PLCH2: variants seen among roughly 807,000 people sequenced by gnomAD.
PLCH2 encodes the protein 1-phosphatidylinositol 4,5-bisphosphate phosphodiesterase eta-2.
Under a neutral mutation model 134.7 loss-of-function variants are expected in PLCH2, and 98 were observed. The ratio of observed to expected loss-of-function variants is 0.73; its 90% CI spans 0.62 to 0.86. PLCH2 has a LOEUF of 0.86. Ranked by LOEUF, PLCH2 falls within the 40% of genes least tolerant of loss-of-function variation. PLCH2 has a pLI of 0.00. For missense variants in PLCH2, 1,994 were observed against 1,986.6 expected (o/e 1.00, Z -0.07); for synonymous variants, 974 against 827.5 (o/e 1.18, Z -3.04).
chr1:2,436,563 TTTCCTCC>T (rs1416414213), intron 2 of PLCH2, among the ~76,000 whole-genome samples: 3 of 99,276 alleles, frequency 3.0e-5, no homozygotes, highest in African/African-American at 4.4e-5. Context: ...TCCCTCCACC[TTTCCTCC>T]TTCCTCCCTC....
chr1:2,432,938 C>T (rs1332132510), intron 2 of PLCH2, among the ~76,000 whole-genome samples: 2 of 152,200 alleles, frequency 1.3e-5, no homozygotes, highest in Admixed American at 1.3e-4. Context: ...CACACACGGG[C>T]TGGGTGGAAG....
intron 10 of PLCH2, 142 bp from the exon 11 acceptor site, chr1:2,491,050 T>TGGCTGCCTGC (rs1642548643): frequency 1.3e-6 from 1 of 765,420 alleles, no homozygotes; most frequent in Non-Finnish European, 2.1e-6. Flanking sequence ...GTCCTGCCTG[T>TGGCTGCCTGC]GGCTGCCTGC....
At chr1:2,440,287 A>G (rs1639627132) in intron 2 of PLCH2, among the ~76,000 whole-genome samples, 1 of 151,612 alleles carries the variant, frequency 6.6e-6, no homozygotes, top group African/African-American at 2.4e-5. Flanking sequence ...GCTGGGGAGG[A>G]TCTCGGGTGG....
chr1:2,423,742 G>A (rs1638637431), upstream of PLCH2, among the ~76,000 whole-genome samples: 2 of 152,030 alleles, frequency 1.3e-5, no homozygotes, highest in African/African-American at 4.8e-5. Context: ...GAGCATCTCA[G>A]ATGGAAATCA....
At chr1:2,474,021 G>C (rs1040397350), upstream of PLCH2, among the ~76,000 whole-genome samples, 2 of 152,228 alleles carry the variant, frequency 1.3e-5, no homozygotes, top group African/African-American at 2.4e-5. Flanking sequence ...CCACAGAGCA[G>C]AGCGTGGCTT....
chr1:2,444,995 G>A lies in PLCH2; in HGVS notation c.115+14366G>A, dbSNP rs528626793. 1.4e-3 allele frequency among the ~76,000 whole-genome samples: 207 copies of A among 152,246 alleles called. 1 individual carries two copies. Among genetic ancestry groups the A allele is most frequent in the Middle Eastern group, 3.4e-3 (1 of 294 alleles). Reference sequence around the variant, plus strand: ...GCCGGGGAGGGGCAAGTCAGAGGGCGGAGGCCACTGTCCTATCTCCTGCTT... The same window carrying A: ...GCCGGGGAGGGGCAAGTCAGAGGGCAGAGGCCACTGTCCTATCTCCTGCTT... On this transcript the variant is annotated intron_variant, in intron 2 of 3. Transcript: ENST00000609981. The surrounding 1 kb of genome is among the most constrained non-coding windows in gnomAD (Gnocchi z 4.6).
At chr1:2,464,719 T>C (rs1640975916), upstream of PLCH2, among the ~76,000 whole-genome samples, 1 of 152,196 alleles carries the variant, frequency 6.6e-6, no homozygotes, top group East Asian at 1.9e-4. Context: ...CCCTGTGAGA[T>C]GCTGGGTGGT....
chr1:2,490,328 C>T (rs1296457687), intron 10 of PLCH2, among the ~76,000 whole-genome samples: 1 of 152,196 alleles, frequency 6.6e-6, no homozygotes, highest in Non-Finnish European at 1.5e-5. Context: ...CCAGTGCTGG[C>T]CTCATCTCCA....
chr1:2,503,113 G>A (rs1177747506), intron 21 of PLCH2: 10 of 685,068 alleles, frequency 1.5e-5, no homozygotes, highest in African/African-American at 3.5e-5. Context: ...TGAGCTTGAG[G>A]CCCTGGGACT....
Position 2,496,783 on chromosome 1 carries a change from G to A in PLCH2, c.1934-45G>A, listed in dbSNP as rs376034437. 4.3e-5 allele frequency: 69 copies of A among 1,610,622 alleles called. No homozygotes were observed. The Middle Eastern group carries it at 4.9e-4, about 12-fold the overall frequency. ...CCTGCTATGCTGCTGGGCGCCGGGC[G>A]AGGTCGAGGACTGGCAGTCTGATGC... On this transcript the variant is annotated intron_variant, in intron 14 of 21. Transcript: ENST00000378486.
rs1383668173 is a variant in PLCH2, at chr1:2,479,748, A to G, written c.286A>G (p.Ile96Val). Residue 96 changes from isoleucine (I) to valine (V), a missense_variant, in exon 3 of 22, where the codon ATC becomes GTC. Transcript: ENST00000378486. ...NEKAKISIDS[I>V]QEVSEGRQSE... ...CCACCCCGCAGTCTCCATCGACTCC[A>G]TCCAGGAGGTGAGTGAGGGGCGGCA... 8.4e-6 allele frequency: 13 copies of G among 1,545,878 alleles called. No individual in the cohort carries two copies. Among genetic ancestry groups the G allele is most frequent in the Admixed American group, 3.9e-5 (2 of 51,122 alleles).
chr1:2,479,723 C>T lies in PLCH2; in HGVS notation c.272-11C>T, dbSNP rs772493855. On this transcript the variant is annotated splice_polypyrimidine_tract_variant and intron_variant, in intron 2 of 21. Coordinates refer to ENST00000378486, the MANE Select transcript of PLCH2 (RefSeq NM_014638.4). ...CGGGGACCTGACCCGTGCTCCCTCC[C>T]CACCCCGCAGTCTCCATCGACTCCA... The T allele has an allele frequency of 1.3e-5, 20 of 1,528,786 alleles. No individual in the cohort carries two copies. In the African/African-American group the frequency reaches 1.9e-4, roughly 15 times the overall value. The allele number at this position is 1,528,786 out of a possible 1,614,324, so 94.7% of individuals were successfully genotyped here. A position where few individuals can be genotyped will look rare whatever the true frequency, so the allele number is the denominator to read the frequency against.
upstream of PLCH2, among the ~76,000 whole-genome samples, chr1:2,464,705 C>T (rs919682708): frequency 3.0e-4 from 45 of 152,250 alleles, no homozygotes; most frequent in African/African-American, 1.1e-3. Context: ...CCTCCCACCC[C>T]TACCCCTGTG....
At position 2,489,806 on chromosome 1, in the gene PLCH2, AG is replaced by A; in HGVS notation, c.1456del (p.Val486CysfsTer28). On this transcript the variant is annotated frameshift_variant, in exon 10 of 22. Coordinates refer to ENST00000378486, the MANE Select transcript of PLCH2 (RefSeq NM_014638.4). LOFTEE classifies it high-confidence loss of function. ...ATCAGCGAGGATGCGGAGGAAGGCG[AG>A]GTGTCTGATGAGGACAGTGCTGATG... ...ANISEDAEEG[E>X]VSDEDSADEI... The A allele has an allele frequency of 6.2e-7, 1 of 1,613,714 alleles. No homozygotes were observed. Among genetic ancestry groups the A allele is most frequent in the East Asian group, 2.2e-5 (1 of 44,874 alleles).
In PLCH2 at chr1:2,444,105, C is replaced by T. The variant is rs1459238745; in HGVS notation, c.115+13476C>T. ...GACTCGGGAGCGGAGGCTCGGATCGCGGTGGCACGGGCAGGGGTGCGGGCG... is the reference window on the plus strand; with the variant it reads ...GACTCGGGAGCGGAGGCTCGGATCGTGGTGGCACGGGCAGGGGTGCGGGCG... On this transcript the variant is annotated intron_variant, in intron 2 of 3. Transcript: ENST00000609981. The surrounding 1 kb of genome is among the most constrained non-coding windows in gnomAD (Gnocchi z 4.6). Among the ~76,000 whole-genome samples, 2 of 152,048 alleles carry T rather than the reference C, an allele frequency of 1.3e-5. No individual in the cohort carries two copies. Among genetic ancestry groups the T allele is most frequent in the African/African-American group, 4.8e-5 (2 of 41,408 alleles).
chr1:2,484,166 T>TC (rs1570427678), intron 4 of PLCH2, among the ~76,000 whole-genome samples: 1 of 152,194 alleles, frequency 6.6e-6, no homozygotes. Context: ...TGGGTAGTGT[T>TC]AACTGCTGTG....
chr1:2,497,673 C>A, intron 16 of PLCH2, 64 bp downstream of exon 16: 3 of 1,137,294 alleles, frequency 2.6e-6, no homozygotes, highest in Non-Finnish European at 3.8e-6. Flanking sequence ...TGGGTGTCCC[C>A]AGAACAGAGA....
chr1:2,438,614 C>T (rs1339032370), intron 2 of PLCH2, among the ~76,000 whole-genome samples: 4 of 152,314 alleles, frequency 2.6e-5, no homozygotes, highest in South Asian at 4.1e-4. Flanking sequence ...TCGTCTTTGC[C>T]GATTGCCCAA....
intron 2 of PLCH2, among the ~76,000 whole-genome samples, chr1:2,457,816 A>G (rs2100575518): frequency 6.7e-6 from 1 of 150,280 alleles, no homozygotes; most frequent in East Asian, 2.0e-4. Flanking sequence ...AGCGGCTCCC[A>G]GCCCTTGGAT....
Sources: allele counts gnomAD v4.1 joint callset (sites outside exome capture counted in the v4.1 genomes callset), GRCh38; gene constraint gnomAD v4.1.1; non-coding constraint Gnocchi (gnomAD v3.1); transcripts MANE v1.5; gene names NCBI Gene and HGNC (gene_info 2026-07-23, HGNC 2026-07-21).